Variants in PCNX2 observed in about 807,000 individuals in gnomAD.
PCNX2 encodes pecanex-like protein 2.
In PCNX2, 168 loss-of-function variants were observed where a neutral mutation model predicts 223.8. The ratio of observed to expected loss-of-function variants is 0.75; its 90% CI spans 0.66 to 0.85. The LOEUF (loss-of-function observed/expected upper bound fraction) is 0.85. Among genes scored for constraint, PCNX2 ranks in the 40% least tolerant of loss-of-function variants. The probability of loss-of-function intolerance (pLI) is 0.00; values close to 1 mark genes in which losing one functional copy is unlikely to be tolerated. For missense variants in PCNX2, 2,507 were observed against 2,675.5 expected (o/e 0.94, Z 1.39); for synonymous variants, 1,006 against 1,052.6 (o/e 0.96, Z 0.86).
intron 23 of PCNX2, chr1:233,058,460 C>T (rs1672269871): frequency 6.6e-6 from 1 of 152,086 alleles, no homozygotes; most frequent in African/African-American, 2.4e-5. Flanking sequence ...TGACGATAGT[C>T]AACTGTTTAT....
chr1:233,052,671 A>C (rs1204760698), intron 25 of PCNX2, among the ~76,000 whole-genome samples: 1 of 152,174 alleles, frequency 6.6e-6, no homozygotes, highest in Admixed American at 6.5e-5. Flanking sequence ...CCAGCATCTT[A>C]AGGTGGGGGC....
chr1:233,130,853 C>T (rs1676462857), intron 21 of PCNX2, among the ~76,000 whole-genome samples: 3 of 151,474 alleles, frequency 2.0e-5, no homozygotes, highest in Admixed American at 2.0e-4. Flanking sequence ...CTCCAGACCT[C>T]AGGGGGAGTG....
chr1:233,111,342 A>G (rs1428488331), intron 21 of PCNX2, among the ~76,000 whole-genome samples: 1 of 152,212 alleles, frequency 6.6e-6, no homozygotes, highest in Non-Finnish European at 1.5e-5. Context: ...CCAGAATATT[A>G]TAAGTACTCA....
intron 19 of PCNX2, among the ~76,000 whole-genome samples, chr1:233,149,358 C>G (rs1394516344): frequency 6.6e-6 from 1 of 152,154 alleles, no homozygotes; most frequent in Non-Finnish European, 1.5e-5. Flanking sequence ...AGGATGTTTT[C>G]AGCTTTAGAA....
chr1:233,149,022 C>T (rs1677635769), intron 19 of PCNX2, among the ~76,000 whole-genome samples: 1 of 152,136 alleles, frequency 6.6e-6, no homozygotes, highest in South Asian at 2.1e-4. Context: ...TTCCTGCATC[C>T]CCAGATTGTG....
chr1:233,280,423 G>C (rs983597836), intron 1 of PCNX2, among the ~76,000 whole-genome samples: 3 of 150,962 alleles, frequency 2.0e-5, no homozygotes, highest in Non-Finnish European at 4.4e-5. Flanking sequence ...TCAACCTTCT[G>C]AGTAGCTGGG....
At chr1:233,105,830 G>C (rs1003532575) in intron 21 of PCNX2, among the ~76,000 whole-genome samples, 1 of 152,176 alleles carries the variant, frequency 6.6e-6, no homozygotes, top group Non-Finnish European at 1.5e-5. Context: ...CTGCTAATTA[G>C]TGTATCCATA....
chr1:233,268,063 C>A (rs1660437982), intron 1 of PCNX2, among the ~76,000 whole-genome samples: 1 of 152,140 alleles, frequency 6.6e-6, no homozygotes, highest in Non-Finnish European at 1.5e-5. Context: ...AGGCGCGCAC[C>A]ACCAAGCCCA....
chr1:233,314,044 C>A, the PCNX2 span, among the ~76,000 whole-genome samples: 1 of 152,078 alleles, frequency 6.6e-6, no homozygotes. Flanking sequence ...GTGCAAATGG[C>A]AAATTATGAA....
At chr1:233,144,089 G>A (rs1677284405) in intron 19 of PCNX2, among the ~76,000 whole-genome samples, 1 of 152,068 alleles carries the variant, frequency 6.6e-6, no homozygotes, top group Non-Finnish European at 1.5e-5. Context: ...GCTGAAGTAG[G>A]AGGATTGCTT....
At chr1:233,124,863 G>C (rs1368603591) in intron 21 of PCNX2, among the ~76,000 whole-genome samples, 1 of 152,098 alleles carries the variant, frequency 6.6e-6, no homozygotes, top group Non-Finnish European at 1.5e-5. Flanking sequence ...ACCTCTTCTG[G>C]ACCAATAAAG....
At chr1:233,164,944 C>T (rs1391757009) in intron 17 of PCNX2, among the ~76,000 whole-genome samples, 1 of 152,052 alleles carries the variant, frequency 6.6e-6, no homozygotes, top group Non-Finnish European at 1.5e-5. Flanking sequence ...AGAATAAATT[C>T]TGGTGTTCTA....
chr1:233,025,034 T>C, intron 26 of PCNX2, 112 bp downstream of exon 26: 1 of 1,422,274 alleles, frequency 7.0e-7, no homozygotes, highest in Non-Finnish European at 9.6e-7. Flanking sequence ...GGTTTCCAAT[T>C]CGGAAGCTGA....
intron 17 of PCNX2, among the ~76,000 whole-genome samples, chr1:233,166,756 A>G (rs1016057356): frequency 6.6e-6 from 1 of 152,212 alleles, no homozygotes; most frequent in Non-Finnish European, 1.5e-5. Context: ...ATTCTGCTCC[A>G]AAAATTTTAT....
At chr1:233,287,077 G>A (rs1008960495) in intron 1 of PCNX2, among the ~76,000 whole-genome samples, 3 of 152,150 alleles carry the variant, frequency 2.0e-5, no homozygotes, top group African/African-American at 7.2e-5. Context: ...TCCTGTCCAA[G>A]GCAAATTGAA....
intron 23 of PCNX2, among the ~76,000 whole-genome samples, chr1:233,088,909 C>T (rs2102936424): frequency 6.6e-6 from 1 of 152,292 alleles, no homozygotes; most frequent in East Asian, 1.9e-4. Context: ...TTCATTTTCT[C>T]CTCACAAGTC....
chr1:233,280,679 C>G (rs1661147988), intron 1 of PCNX2, among the ~76,000 whole-genome samples: 1 of 152,140 alleles, frequency 6.6e-6, no homozygotes, highest in South Asian at 2.1e-4. Flanking sequence ...CTGTCTTATT[C>G]TCCATTACAC....
intron 25 of PCNX2, among the ~76,000 whole-genome samples, chr1:233,031,526 A>C (rs1335110573): frequency 1.3e-5 from 2 of 152,270 alleles, no homozygotes; most frequent in African/African-American, 4.8e-5. Flanking sequence ...GGCTATGTTT[A>C]GACCAAGCCT....
rs188228178 is a variant in PCNX2 at position 233,265,488 on chromosome 1, T to G, written c.154-2325A>C. ...GAGCTAGGTGCCTCCCGCATCCCAC[T>G]CTTTTCCTCTTTACTTGGTGACCTC... On this transcript the variant is annotated intron_variant, in intron 1 of 33. Transcript: ENST00000258229. 1.2e-4 allele frequency among the ~76,000 whole-genome samples: 19 copies of G among 152,278 alleles called. No homozygotes were observed. The East Asian group carries it at 3.5e-3, about 28-fold the overall frequency.
Sources: allele counts gnomAD v4.1 joint callset (sites outside exome capture counted in the v4.1 genomes callset), GRCh38; gene constraint gnomAD v4.1.1; transcripts MANE v1.5; gene names NCBI Gene and HGNC (gene_info 2026-07-23, HGNC 2026-07-21).